CSMD1: variants seen among roughly 807,000 people sequenced by gnomAD.
CSMD1 encodes the protein CUB and Sushi multiple domains 1, also known as CUB and sushi domain-containing protein 1.
In CSMD1, 213 loss-of-function variants were observed where a neutral mutation model predicts 417.5. The observed-to-expected ratio is 0.51, with a 90% CI of 0.46 to 0.57. The LOEUF (loss-of-function observed/expected upper bound fraction) is 0.57, where lower values mean the gene tolerates loss of function less well. Among genes scored for constraint, CSMD1 ranks in the 20% least tolerant of loss-of-function variants. CSMD1 has a pLI of 0.00. For missense variants in CSMD1, 6,923 were observed against 4,529.7 expected, an observed-to-expected ratio of 1.53 and a Z score of -15.17; for synonymous variants, 2,862 against 1,736.8, an observed-to-expected ratio of 1.65 and a Z score of -16.11.
chr8:3,494,990 A>T (rs904672717), intron 10 of CSMD1, among the ~76,000 whole-genome samples: 4 of 152,206 alleles, frequency 2.6e-5, no homozygotes, highest in Non-Finnish European at 5.9e-5. Flanking sequence ...AGCAATGCCA[A>T]AAAGGAATAC....
intron 1 of CSMD1, among the ~76,000 whole-genome samples, chr8:4,861,280 G>C (rs182871290): frequency 6.6e-6 from 1 of 151,982 alleles, no homozygotes; most frequent in Non-Finnish European, 1.5e-5. Context: ...CAGCAACAAA[G>C]GTACAGTATG....
At chr8:3,079,619 A>G (rs561716975) in intron 49 of CSMD1, among the ~76,000 whole-genome samples, 1 of 152,334 alleles carries the variant, frequency 6.6e-6, no homozygotes, top group African/African-American at 2.4e-5. Context: ...CTCCTAACAT[A>G]TCCTCCTAAC....
intron 37 of CSMD1, among the ~76,000 whole-genome samples, chr8:3,163,940 C>A (rs1177387943): frequency 6.6e-6 from 1 of 152,184 alleles, no homozygotes; most frequent in African/African-American, 2.4e-5. Flanking sequence ...GTATATGAGC[C>A]TGATCTCTCA....
At chr8:4,011,311 A>G (rs1278253682) in intron 4 of CSMD1, among the ~76,000 whole-genome samples, 1 of 152,180 alleles carries the variant, frequency 6.6e-6, no homozygotes, top group Non-Finnish European at 1.5e-5. Flanking sequence ...TGCTCTCTGC[A>G]TATAACCGTG....
chr8:3,875,534 G>C (rs1313116135), intron 5 of CSMD1, among the ~76,000 whole-genome samples: 2 of 152,132 alleles, frequency 1.3e-5, no homozygotes, highest in African/African-American at 4.8e-5. Flanking sequence ...AGCCGGCATG[G>C]AAGAAGGAAA....
At chr8:3,910,838 A>C (rs761195183) in intron 5 of CSMD1, among the ~76,000 whole-genome samples, 17 of 152,232 alleles carry the variant, frequency 1.1e-4, no homozygotes, top group African/African-American at 3.6e-4. Flanking sequence ...CCAAATCTCT[A>C]TCTTATTTCT....
At chr8:3,972,021 A>G (rs1324453371) in intron 5 of CSMD1, among the ~76,000 whole-genome samples, 1 of 151,848 alleles carries the variant, frequency 6.6e-6, no homozygotes, top group East Asian at 1.9e-4. Flanking sequence ...ATCCTCCTGC[A>G]TCAACCTCCT....
At chr8:4,067,864 G>A (rs1456825375) in intron 3 of CSMD1, among the ~76,000 whole-genome samples, 3 of 152,116 alleles carry the variant, frequency 2.0e-5, no homozygotes, top group Admixed American at 6.5e-5. Flanking sequence ...GGATCATGAG[G>A]TCAAGAGATG....
chr8:4,529,974 G>A (rs1479215482), intron 2 of CSMD1, among the ~76,000 whole-genome samples: 1 of 151,772 alleles, frequency 6.6e-6, no homozygotes, highest in African/African-American at 2.4e-5. Context: ...GAGTGCAGTG[G>A]CGAGATCCCG....
At chr8:3,357,797 T>G (rs1022556037) in intron 21 of CSMD1, among the ~76,000 whole-genome samples, 1 of 152,136 alleles carries the variant, frequency 6.6e-6, no homozygotes, top group African/African-American at 2.4e-5. Flanking sequence ...CAGTCAAAAT[T>G]TGCCTTCCAT....
intron 5 of CSMD1, among the ~76,000 whole-genome samples, chr8:3,926,030 CACACACACACACAA>C (rs1354813042): frequency 3.8e-5 from 5 of 132,070 alleles, no homozygotes; most frequent in Non-Finnish European, 6.4e-5. Flanking sequence ...CACACACACA[CACACACACACACAA>C]ACACCATATA....
intron 2 of CSMD1, among the ~76,000 whole-genome samples, chr8:4,449,503 G>C (rs909636236): frequency 2.0e-5 from 3 of 152,104 alleles, no homozygotes; most frequent in African/African-American, 7.2e-5. Context: ...GAAGTTACTT[G>C]TCATTTTTTG....
intron 3 of CSMD1, among the ~76,000 whole-genome samples, chr8:4,156,107 C>G (rs1378380243): frequency 1.3e-5 from 2 of 152,136 alleles, no homozygotes; most frequent in African/African-American, 4.8e-5. Flanking sequence ...GCATAATAAT[C>G]ATCCGATCCT....
chr8:3,776,583 T>C (rs1798895580), intron 5 of CSMD1, among the ~76,000 whole-genome samples: 1 of 152,168 alleles, frequency 6.6e-6, no homozygotes, highest in Non-Finnish European at 1.5e-5. Flanking sequence ...ACCTTCTTCC[T>C]ACGGGACTTT....
Position 3,408,065 on chromosome 8 carries a change from A to G in CSMD1, c.1905T>C (p.Phe635=). The G allele has an allele frequency of 6.2e-7, 1 of 1,613,990 alleles. No homozygotes were observed. Among genetic ancestry groups the G allele is most frequent in the Non-Finnish European group, 8.5e-7 (1 of 1,179,898 alleles). ...IFNDFDVEPQ[F]DFLAVKDDGI... ...CATCATCCTTGACCGCGAGAAAGTC[A>G]AACTGAGGCTCAACATCAAAATCAT... The change falls in exon 14 of 70, where the codon TTT becomes TTC. Residue 635 remains phenylalanine, a synonymous_variant. Transcript: ENST00000635120.
chr8:4,770,191 CTATA>C (rs1403159193), intron 1 of CSMD1, among the ~76,000 whole-genome samples: 1 of 148,986 alleles, frequency 6.7e-6, no homozygotes, highest in African/African-American at 2.5e-5. Flanking sequence ...TTTTATATTC[CTATA>C]TACTTATAAA....
At chr8:4,441,229 G>A (rs890973269) in intron 2 of CSMD1, among the ~76,000 whole-genome samples, 2 of 141,346 alleles carry the variant, frequency 1.4e-5, no homozygotes, top group East Asian at 2.1e-4. Context: ...CTCTTGAGTA[G>A]CTGGAACTAC....
intron 7 of CSMD1, among the ~76,000 whole-genome samples, chr8:3,669,804 C>T (rs1008452602): frequency 2.0e-5 from 3 of 152,094 alleles, no homozygotes; most frequent in African/African-American, 7.2e-5. Context: ...ACGTGCAGCC[C>T]TAACAGCCAA....
At chr8:4,244,290 A>C (rs1332082358) in intron 3 of CSMD1, among the ~76,000 whole-genome samples, 2 of 152,162 alleles carry the variant, frequency 1.3e-5, no homozygotes, top group East Asian at 1.9e-4. Flanking sequence ...GGTCTTCGGG[A>C]AACACTATGC....
Sources: allele counts gnomAD v4.1 joint callset (sites outside exome capture counted in the v4.1 genomes callset), GRCh38; gene constraint gnomAD v4.1.1; transcripts MANE v1.5; gene names NCBI Gene and HGNC (gene_info 2026-07-23, HGNC 2026-07-21).